Variants in NTRK3 observed in about 807,000 individuals in gnomAD.
The protein encoded by NTRK3 is NT-3 growth factor receptor.
Under a neutral mutation model 91.7 loss-of-function variants are expected in NTRK3, and 24 were observed. The observed-to-expected ratio is 0.26, with a 90% CI of 0.19 to 0.37. NTRK3 has a LOEUF of 0.37. NTRK3 is among the 10% of genes least tolerant of loss of function. The pLI, the probability that NTRK3 is intolerant of heterozygous loss-of-function variation, is 1.00. For synonymous variants in NTRK3, 483 were observed against 404.0 expected (o/e 1.20, Z -2.34); for missense variants, 880 against 1,068.9 (o/e 0.82, Z 2.46).
At chr15:88,054,207 G>A (rs1016336418) in intron 13 of NTRK3, among the ~76,000 whole-genome samples, 1 of 152,210 alleles carries the variant, frequency 6.6e-6, no homozygotes, top group Non-Finnish European at 1.5e-5. Context: ...TATATTGAAT[G>A]CCTATTGCGA....
At chr15:87,887,029 C>T (rs929826262) in intron 17 of NTRK3, among the ~76,000 whole-genome samples, 1 of 151,746 alleles carries the variant, frequency 6.6e-6, no homozygotes, top group Non-Finnish European at 1.5e-5. Flanking sequence ...ATAACAGAGT[C>T]CTAAAAATTG....
chr15:88,068,247 C>T (rs1323804835), intron 13 of NTRK3, among the ~76,000 whole-genome samples: 2 of 152,040 alleles, frequency 1.3e-5, no homozygotes, highest in Non-Finnish European at 2.9e-5. Flanking sequence ...GCCTGGACAA[C>T]ATGGTGAAAC....
intron 18 of NTRK3, 90 bp downstream of exon 19, chr15:87,880,180 T>G (rs916126161): frequency 3.2e-6 from 5 of 1,542,106 alleles, no homozygotes; most frequent in Middle Eastern, 2.1e-4. Flanking sequence ...AAATCCCACC[T>G]AATGTCTTGT....
chr15:87,994,573 G>A (rs542962843), intron 14 of NTRK3, among the ~76,000 whole-genome samples: 1 of 152,290 alleles, frequency 6.6e-6, no homozygotes, highest in East Asian at 1.9e-4. Flanking sequence ...CAGACACCTT[G>A]ATCTTGGATT....
intron 18 of NTRK3, among the ~76,000 whole-genome samples, chr15:87,879,233 T>A (rs977334541): frequency 2.0e-5 from 3 of 152,166 alleles, no homozygotes; most frequent in African/African-American, 7.2e-5. Context: ...CTCTGTTGAA[T>A]ATTCAAATAA....
At chr15:88,184,491 T>C (rs1191053438) in intron 3 of NTRK3, among the ~76,000 whole-genome samples, 192 bp from the exon 4 acceptor site, 3 of 152,196 alleles carry the variant, frequency 2.0e-5, no homozygotes, top group Non-Finnish European at 2.9e-5. Flanking sequence ...CCTGATTGGG[T>C]TGTTGCAAGA....
Position 88,221,520 on chromosome 15 carries a change from G to A in NTRK3, c.248+34386C>T, listed in dbSNP as rs546061957. 9.9e-4 allele frequency among the ~76,000 whole-genome samples: 151 copies of A among 152,270 alleles called. No homozygotes were observed. The Middle Eastern group carries it at 0.01, about 10-fold the overall frequency. On this transcript the variant is annotated intron_variant, in intron 3 of 18. Transcript: ENST00000394480. ...CAACAAGGAGTTTACCGTCAGGTGC[G>A]GTGGCTCACGCCTGTAATCCCAACA...
chr15:88,072,648 T>C (rs1005421060), intron 13 of NTRK3: 2 of 232,576 alleles, frequency 8.6e-6, no homozygotes, highest in Non-Finnish European at 1.7e-5. Context: ...TAATGCACAA[T>C]TTGATGAGAC....
At chr15:88,112,141 C>T (rs543751236) in intron 13 of NTRK3, among the ~76,000 whole-genome samples, 67 of 152,230 alleles carry the variant, frequency 4.4e-4, no homozygotes, top group African/African-American at 1.5e-3. Flanking sequence ...CTCCTGACCT[C>T]GTGATCCGCC....
At chr15:88,061,193 A>G (rs1351606540) in intron 13 of NTRK3, among the ~76,000 whole-genome samples, 1 of 152,256 alleles carries the variant, frequency 6.6e-6, no homozygotes, top group East Asian at 1.9e-4. Context: ...AAAAAAAACA[A>G]TAATTCATTA....
At chr15:88,106,212 C>T (rs552580488) in intron 13 of NTRK3, among the ~76,000 whole-genome samples, 16 of 152,326 alleles carry the variant, frequency 1.1e-4, no homozygotes, top group African/African-American at 2.6e-4. Flanking sequence ...GCTGCTACAG[C>T]GGCCGGCAGG....
At chr15:87,984,408 T>C (rs1408128072) in intron 14 of NTRK3, among the ~76,000 whole-genome samples, 2 of 152,238 alleles carry the variant, frequency 1.3e-5, no homozygotes, top group Non-Finnish European at 1.5e-5. Flanking sequence ...TGGTTATGAT[T>C]GATTTGTTCT....
intron 15 of NTRK3, among the ~76,000 whole-genome samples, chr15:87,935,781 A>AC (rs1377256293): frequency 6.6e-6 from 1 of 152,174 alleles, no homozygotes; most frequent in Non-Finnish European, 1.5e-5. Flanking sequence ...CTTGAGCAGC[A>AC]CCAGCAAGCA....
At chr15:87,994,876 C>A (rs1330474543) in intron 14 of NTRK3, among the ~76,000 whole-genome samples, 1 of 151,972 alleles carries the variant, frequency 6.6e-6, no homozygotes, top group Non-Finnish European at 1.5e-5. Flanking sequence ...TAGATGTGGG[C>A]ACTGGTATGG....
chr15:88,123,022 G>A lies in NTRK3; in HGVS notation c.1396+3249C>T, dbSNP rs1471901233. 3.9e-5 allele frequency among the ~76,000 whole-genome samples: 6 copies of A among 152,244 alleles called. No individual in the cohort carries two copies. The South Asian group carries it at 8.3e-4, about 21-fold the overall frequency. ...GAAATGACAATGTACTGGGATTAGC[G>A]TATAATAAAGGCATTTTACTAAATA... On this transcript the variant is annotated intron_variant, in intron 13 of 18. Transcript: ENST00000394480.
At chr15:88,005,131 T>C (rs2076396405) in intron 14 of NTRK3, among the ~76,000 whole-genome samples, 1 of 152,184 alleles carries the variant, frequency 6.6e-6, no homozygotes, top group Non-Finnish European at 1.5e-5. Context: ...GTCTCTTTGC[T>C]CACTGGGATC....
intron 3 of NTRK3, among the ~76,000 whole-genome samples, chr15:88,239,307 G>A: frequency 6.6e-6 from 1 of 152,168 alleles, no homozygotes; most frequent in Non-Finnish European, 1.5e-5. Flanking sequence ...ATTCCCATGG[G>A]GAATAACGAG....
At chr15:88,246,641 T>G (rs1406312468) in intron 3 of NTRK3, among the ~76,000 whole-genome samples, 1 of 152,202 alleles carries the variant, frequency 6.6e-6, no homozygotes. Context: ...AATGTGCTGA[T>G]CTCTCCTGCT....
At chr15:87,968,260 G>T (rs2072959903) in intron 14 of NTRK3, among the ~76,000 whole-genome samples, 1 of 152,130 alleles carries the variant, frequency 6.6e-6, no homozygotes, top group Admixed American at 6.6e-5. Context: ...ATAACCCACA[G>T]AAACAAACAT....
Sources: gnomAD v4.1 joint callset for allele counts (sites outside exome capture counted in the v4.1 genomes callset) on GRCh38, gnomAD v4.1.1 for gene constraint, MANE v1.5 for transcripts, NCBI Gene and HGNC (gene_info 2026-07-23, HGNC 2026-07-21) for gene names.